LRMDA: variants seen among roughly 807,000 people sequenced by gnomAD.
The protein encoded by LRMDA is leucine rich melanocyte differentiation associated.
Under a neutral mutation model 29.8 loss-of-function variants are expected in LRMDA, and 18 were observed. The ratio of observed to expected loss-of-function variants is 0.60; its 90% CI spans 0.42 to 0.90. The LOEUF (loss-of-function observed/expected upper bound fraction) is 0.90. LRMDA is among the 40% of genes least tolerant of loss of function. The pLI is 0.00. For synonymous variants in LRMDA, 125 were observed against 109.4 expected, an observed-to-expected ratio of 1.14 and a Z score of -0.89; for missense variants, 273 against 273.9, an observed-to-expected ratio of 1.00 and a Z score of 0.02.
chr10:76,352,899 A>T (rs1160987129), intron 6 of LRMDA, among the ~76,000 whole-genome samples: 1 of 152,010 alleles, frequency 6.6e-6, no homozygotes, highest in Non-Finnish European at 1.5e-5. Flanking sequence ...TACCCTTGAA[A>T]TCCTACTTTG....
chr10:76,187,706 G>A (rs1402545785), intron 5 of LRMDA, among the ~76,000 whole-genome samples: 1 of 152,132 alleles, frequency 6.6e-6, no homozygotes. Context: ...GGGAAGTGGG[G>A]CATGAACCTG....
rs144852215 is a variant in LRMDA at position 75,884,695 on chromosome 10, CT to C, written c.132-151311del. On this transcript the variant is annotated intron_variant, in intron 2 of 6. Transcript: ENST00000611255. The stretch of plus-strand genomic sequence containing the variant: ...TGCAGGGCCTGACAGTAACTCCTTG[CT>C]TGGCTTCTGCTTACTCTGTGTAGTC... 8.5e-4 allele frequency among the ~76,000 whole-genome samples: 130 copies of C among 152,302 alleles called. 1 individual carries two copies. Among genetic ancestry groups the C allele is most frequent in the African/African-American group, 3.1e-3 (128 of 41,562 alleles).
At chr10:75,760,287 A>C (rs1471457422) in intron 2 of LRMDA, among the ~76,000 whole-genome samples, 1 of 152,206 alleles carries the variant, frequency 6.6e-6, no homozygotes, top group African/African-American at 2.4e-5. Context: ...AGTTCAAGTC[A>C]GAATGCACTT....
chr10:75,967,076 G>C (rs894277416), intron 2 of LRMDA, among the ~76,000 whole-genome samples: 3 of 152,206 alleles, frequency 2.0e-5, no homozygotes, highest in Non-Finnish European at 2.9e-5. Context: ...GTCAGTACAA[G>C]TTTCCTTGAG....
At chr10:76,004,311 C>G (rs1228570272) in intron 2 of LRMDA, among the ~76,000 whole-genome samples, 1 of 152,184 alleles carries the variant, frequency 6.6e-6, no homozygotes, top group African/African-American at 2.4e-5. Flanking sequence ...TAGCTGTAAT[C>G]AAAGTAGACC....
chr10:75,809,525 C>T (rs1006595849), intron 2 of LRMDA, among the ~76,000 whole-genome samples: 1 of 152,160 alleles, frequency 6.6e-6, no homozygotes, highest in African/African-American at 2.4e-5. Context: ...CACCTGTAAT[C>T]CCAGCTACTC....
At chr10:76,443,380 A>G (rs940091772) in intron 6 of LRMDA, among the ~76,000 whole-genome samples, 3 of 152,196 alleles carry the variant, frequency 2.0e-5, no homozygotes, top group Non-Finnish European at 4.4e-5. Flanking sequence ...CATCTTCGAG[A>G]TAATCCGAGC....
At chr10:76,263,280 TTA>T (rs1247018845) in intron 5 of LRMDA, among the ~76,000 whole-genome samples, 2 of 149,118 alleles carry the variant, frequency 1.3e-5, no homozygotes, top group African/African-American at 5.2e-5. Context: ...ACTTTTTTTT[TTA>T]AAAAAAGATC....
chr10:76,483,025 AAT>A (rs1433578988), intron 6 of LRMDA, among the ~76,000 whole-genome samples: 1 of 151,828 alleles, frequency 6.6e-6, no homozygotes, highest in Non-Finnish European at 1.5e-5. Context: ...TGACCATTTA[AAT>A]TTCCTCTATT....
At chr10:75,811,380 C>T (rs190949834) in intron 2 of LRMDA, among the ~76,000 whole-genome samples, 20 of 152,250 alleles carry the variant, frequency 1.3e-4, no homozygotes, top group African/African-American at 4.8e-4. Flanking sequence ...TAGGCTCCTC[C>T]TCTAGTATTC....
intron 5 of LRMDA, among the ~76,000 whole-genome samples, chr10:76,312,146 T>C (rs1029187224): frequency 6.6e-6 from 1 of 152,228 alleles, no homozygotes; most frequent in Non-Finnish European, 1.5e-5. Flanking sequence ...AGTCCTTCCC[T>C]ACTTCTGGAT....
intron 2 of LRMDA, among the ~76,000 whole-genome samples, chr10:75,750,142 G>A (rs1268418423): frequency 6.6e-6 from 1 of 152,200 alleles, no homozygotes; most frequent in African/African-American, 2.4e-5. Flanking sequence ...GAGCTGTTGG[G>A]TACACCTCCC....
chr10:75,721,888 A>G (rs1430810726), intron 2 of LRMDA, among the ~76,000 whole-genome samples: 1 of 152,206 alleles, frequency 6.6e-6, no homozygotes, highest in Admixed American at 6.5e-5. Context: ...AGCAACAACC[A>G]GTGGCTAAAT....
chr10:76,366,808 A>G (rs183086656), intron 6 of LRMDA, among the ~76,000 whole-genome samples: 19 of 152,260 alleles, frequency 1.2e-4, no homozygotes, highest in African/African-American at 4.6e-4. Flanking sequence ...GAGCAGTGAG[A>G]ATGGGCATCC....
At chr10:75,942,421 C>A (rs1846407794) in intron 2 of LRMDA, among the ~76,000 whole-genome samples, 1 of 152,112 alleles carries the variant, frequency 6.6e-6, no homozygotes, top group Non-Finnish European at 1.5e-5. Flanking sequence ...AATAACATTT[C>A]AAATTACTTA....
At chr10:75,544,318 T>C (rs1840051960) in intron 2 of LRMDA, among the ~76,000 whole-genome samples, 8 of 152,216 alleles carry the variant, frequency 5.3e-5, no homozygotes, top group Admixed American at 5.2e-4. Flanking sequence ...GAATTATTCT[T>C]AAAAAATGAA....
chr10:75,512,865 A>T (rs1344072181), intron 2 of LRMDA, among the ~76,000 whole-genome samples: 1 of 152,088 alleles, frequency 6.6e-6, no homozygotes, highest in Non-Finnish European at 1.5e-5. Context: ...ACTGTTATTT[A>T]TTTCTCTTGA....
chr10:75,879,876 T>C (rs1845265888), intron 2 of LRMDA, among the ~76,000 whole-genome samples: 1 of 152,162 alleles, frequency 6.6e-6, no homozygotes, highest in African/African-American at 2.4e-5. Flanking sequence ...TATATTTCCT[T>C]TACTGAGTAT....
chr10:76,111,440 C>T (rs927017103), intron 5 of LRMDA, among the ~76,000 whole-genome samples: 101 of 152,232 alleles, frequency 6.6e-4, no homozygotes, highest in East Asian at 1.9e-4. Flanking sequence ...AGACCTGGGT[C>T]GAGCAAGCCA....
Sources: allele counts gnomAD v4.1 joint callset (sites outside exome capture counted in the v4.1 genomes callset), GRCh38; gene constraint gnomAD v4.1.1; transcripts MANE v1.5; gene names NCBI Gene and HGNC (gene_info 2026-07-23, HGNC 2026-07-21).